NAV3: variants seen among roughly 807,000 people sequenced by gnomAD.
NAV3 encodes neuron navigator 3.
Under a neutral mutation model 244.7 loss-of-function variants are expected in NAV3, and 87 were observed. That is an observed-to-expected ratio of 0.36 (90% CI 0.30 to 0.42). NAV3 has a LOEUF of 0.42. Among genes scored for constraint, NAV3 ranks in the 20% least tolerant of loss-of-function variants. NAV3 has a pLI of 1.00. For synonymous variants in NAV3, 1,126 were observed against 1,042.2 expected (o/e 1.08, Z -1.55); for missense variants, 2,663 against 2,893.3 (o/e 0.92, Z 1.83).
At chr12:77,737,986 C>T (rs1877406510) in intron 2 of NAV3, among the ~76,000 whole-genome samples, 1 of 152,054 alleles carries the variant, frequency 6.6e-6, no homozygotes, top group Non-Finnish European at 1.5e-5. Flanking sequence ...CCTTGACATC[C>T]CACCCCATCC....
chr12:77,691,792 G>T (rs1875045000), intron 2 of NAV3, among the ~76,000 whole-genome samples: 1 of 151,514 alleles, frequency 6.6e-6, no homozygotes, highest in Non-Finnish European at 1.5e-5. Flanking sequence ...TTTACATATT[G>T]AGGCTCAGAA....
intron 7 of NAV3, among the ~76,000 whole-genome samples, chr12:78,005,369 G>C (rs1407994593): frequency 2.0e-5 from 3 of 152,126 alleles, no homozygotes; most frequent in Non-Finnish European, 4.4e-5. Context: ...AGCAATTTGG[G>C]GGACTGTGTT....
chr12:77,710,806 C>T (rs1313393705), intron 2 of NAV3, among the ~76,000 whole-genome samples: 1 of 151,936 alleles, frequency 6.6e-6, no homozygotes, highest in Non-Finnish European at 1.5e-5. Flanking sequence ...AAATTTAAGT[C>T]CTCTTTTTGA....
chr12:78,015,744 A>T (rs980391731), intron 8 of NAV3, among the ~76,000 whole-genome samples: 1 of 152,096 alleles, frequency 6.6e-6, no homozygotes. Context: ...ACTTTGACCC[A>T]CAAGTTTTAG....
intron 5 of NAV3, among the ~76,000 whole-genome samples, chr12:77,969,449 G>T (rs1045958347): frequency 2.0e-5 from 3 of 152,116 alleles, no homozygotes; most frequent in African/African-American, 7.2e-5. Flanking sequence ...AATCTGAAGG[G>T]CAGCCCAGCT....
chr12:78,073,544 C>G (rs7962220), intron 12 of NAV3, among the ~76,000 whole-genome samples: 5 of 151,698 alleles, frequency 3.3e-5, no homozygotes, highest in Non-Finnish European at 5.9e-5. Flanking sequence ...AAAGAGGATA[C>G]AAACAAATGG....
chr12:78,155,595 C>T (rs1388348991), intron 22 of NAV3, among the ~76,000 whole-genome samples: 3 of 152,110 alleles, frequency 2.0e-5, no homozygotes, highest in Non-Finnish European at 1.5e-5. Flanking sequence ...ATCACACTGT[C>T]TTCCACATTG....
At chr12:78,065,937 C>T (rs1321611636) in intron 12 of NAV3, among the ~76,000 whole-genome samples, 3 of 152,120 alleles carry the variant, frequency 2.0e-5, no homozygotes, top group Admixed American at 1.3e-4. Context: ...GAAAAGATTA[C>T]TAGAACTGCT....
intron 1 of NAV3, among the ~76,000 whole-genome samples, chr12:77,854,587 ATGTG>A (rs111504963): frequency 4.7e-5 from 6 of 128,386 alleles, no homozygotes; most frequent in African/African-American, 8.0e-5. Flanking sequence ...GTATGTGTGT[ATGTG>A]TGTGTGTGTG....
rs551131830 is a variant in NAV3, at chr12:78,156,798, G to A, written c.4786-2405G>A. Among the ~76,000 whole-genome samples the A allele has an allele frequency of 2.2e-4, 34 of 152,120 alleles. 1 individual carries two copies. The South Asian group carries it at 6.0e-3, about 27-fold the overall frequency. On this transcript the variant is annotated intron_variant, in intron 22 of 39. Transcript: ENST00000397909. ...GGCATAGTGGGAATATTTCTAACAG[G>A]TTAAACTGAAGTGACCATCATGGGC...
chr12:77,960,960 T>C (rs1019827880), intron 3 of NAV3, among the ~76,000 whole-genome samples: 1 of 145,918 alleles, frequency 6.9e-6, no homozygotes, highest in Non-Finnish European at 1.5e-5. Context: ...GTCTTATGCA[T>C]GTAATATATG....
upstream of NAV3, among the ~76,000 whole-genome samples, chr12:77,826,978 T>G (rs1381014954): frequency 6.6e-6 from 1 of 152,134 alleles, no homozygotes; most frequent in African/African-American, 2.4e-5. Context: ...TCCCAGCACT[T>G]TGGGAGGCCA....
chr12:78,143,582 G>A (rs1302052115), intron 20 of NAV3, among the ~76,000 whole-genome samples: 1 of 144,382 alleles, frequency 6.9e-6, no homozygotes, highest in Non-Finnish European at 1.5e-5. Flanking sequence ...TGCAGTGAGC[G>A]CCACTGCACT....
intron 2 of NAV3, among the ~76,000 whole-genome samples, chr12:77,793,911 A>T (rs923451737): frequency 5.9e-5 from 9 of 152,136 alleles, no homozygotes; most frequent in African/African-American, 1.9e-4. Flanking sequence ...TGTCTTCCAT[A>T]ATGGTTGAAC....
chr12:78,077,612 A>G (rs993826631), intron 12 of NAV3, among the ~76,000 whole-genome samples: 3 of 152,210 alleles, frequency 2.0e-5, no homozygotes, highest in African/African-American at 7.2e-5. Context: ...AGACTTTATA[A>G]CAAAGTACTA....
chr12:78,129,584 A>G (rs935547264), intron 18 of NAV3, among the ~76,000 whole-genome samples: 3 of 152,198 alleles, frequency 2.0e-5, no homozygotes, highest in Non-Finnish European at 4.4e-5. Context: ...AAATAATTAA[A>G]GAAAACTAAA....
At position 78,007,364 on chromosome 12, in the gene NAV3, C is replaced by A; in HGVS notation, c.1826C>A (p.Thr609Lys). 1 of 1,614,136 alleles carries A rather than the reference C, an allele frequency of 6.2e-7. No homozygotes were observed. Among genetic ancestry groups the A allele is most frequent in the Non-Finnish European group, 8.5e-7 (1 of 1,180,010 alleles). Reference protein sequence around the residue: ...MTVAQSSGQSTGNGAVQLPQQ... With the variant: ...MTVAQSSGQSKGNGAVQLPQQ... Reference sequence around the variant, plus strand: ...GTGGCACAAAGCAGTGGGCAGAGCACAGGAAATGGTGCTGTCCAACTCCCT... The same window carrying A: ...GTGGCACAAAGCAGTGGGCAGAGCAAAGGAAATGGTGCTGTCCAACTCCCT... The change falls in exon 8 of 40, where the codon ACA (threonine) becomes AAA (lysine). Residue 609 changes from threonine to lysine, a missense_variant. Around this residue, in one of 6 missense-constraint regions of NAV3, gnomAD observed 1,521 missense variants for 1,497.0 expected, o/e 1.02. Coordinates refer to ENST00000397909, the MANE Select transcript of NAV3 (RefSeq NM_001024383.2).
rs993547838 is a variant in NAV3, at chr12:77,995,632, T to G, written c.740+761T>G. Among the ~76,000 whole-genome samples, 3 of 152,180 alleles carry G rather than the reference T, an allele frequency of 2.0e-5. No individual in the cohort carries two copies. In the East Asian group the frequency reaches 5.8e-4, roughly 29 times the overall value. ...ACTGTTCCATTGATGAATCATATTA[T>G]GCAGTGTTTGACCACAAAGACTGCG... On this transcript the variant is annotated intron_variant, in intron 6 of 39. Transcript: ENST00000397909.
chr12:77,743,722 T>C (rs1015275620), intron 2 of NAV3, among the ~76,000 whole-genome samples: 2 of 151,904 alleles, frequency 1.3e-5, no homozygotes, highest in African/African-American at 2.4e-5. Flanking sequence ...ATCTATATGA[T>C]TCCATATGTA....
Sources: gnomAD v4.1 joint callset for allele counts (sites outside exome capture counted in the v4.1 genomes callset) on GRCh38, gnomAD v4.1.1 for gene constraint, gnomAD v4.1.1 regional missense constraint, MANE v1.5 for transcripts, NCBI Gene and HGNC (gene_info 2026-07-23, HGNC 2026-07-21) for gene names.